Variants in CMSS1 observed in about 807,000 individuals in gnomAD.
CMSS1 encodes the protein protein CMSS1.
CMSS1 carries 33 observed loss-of-function variants against 43.5 expected under a neutral mutation model. That is an observed-to-expected ratio of 0.76 (90% confidence interval 0.57 to 1.01). The LOEUF is 1.01. Ranked by LOEUF, CMSS1 falls within the 50% of genes least tolerant of loss-of-function variation. The pLI is 0.00. For missense variants in CMSS1, 313 were observed against 326.4 expected, an observed-to-expected ratio of 0.96 and a Z score of 0.32; for synonymous variants, 115 against 117.2, an observed-to-expected ratio of 0.98 and a Z score of 0.12.
rs573313109 is a variant in CMSS1, at chr3:99,986,307, T to C, written c.65-160666T>C. ...GTGTTTTTTCATGAAGCTTGTGGCATTAGATATGCCCTCCACTCCATTGCC... is the reference window on the plus strand; with the variant it reads ...GTGTTTTTTCATGAAGCTTGTGGCACTAGATATGCCCTCCACTCCATTGCC... On this transcript the variant is annotated intron_variant, in intron 1 of 9. Transcript: ENST00000421999. Among the ~76,000 whole-genome samples the C allele has an allele frequency of 9.8e-5, 15 of 152,298 alleles. No individual in the cohort carries two copies. In the South Asian group the frequency reaches 3.1e-3, roughly 32 times the overall value.
chr3:100,075,143 C>T (rs2065829831), intron 1 of CMSS1, among the ~76,000 whole-genome samples: 1 of 152,140 alleles, frequency 6.6e-6, no homozygotes, highest in South Asian at 2.1e-4. Context: ...ATTCTCCCTA[C>T]AAGGATTACA....
chr3:100,091,832 A>G (rs770611743), intron 1 of CMSS1, among the ~76,000 whole-genome samples: 1 of 152,230 alleles, frequency 6.6e-6, no homozygotes, highest in Admixed American at 6.5e-5. Flanking sequence ...CGTGATTCAC[A>G]GGTACATTGT....
At chr3:100,118,741 G>A (rs913102881) in intron 1 of CMSS1, among the ~76,000 whole-genome samples, 7 of 152,078 alleles carry the variant, frequency 4.6e-5, no homozygotes, top group Middle Eastern at 3.2e-3. Context: ...CCTTTCCTGT[G>A]GCCTTTCTGT....
intron 1 of CMSS1, among the ~76,000 whole-genome samples, chr3:99,822,667 G>A (rs1426637568): frequency 6.6e-6 from 1 of 152,180 alleles, no homozygotes; most frequent in Non-Finnish European, 1.5e-5. Context: ...AGGAGGCGGG[G>A]GTTGCAGTGA....
intron 1 of CMSS1, among the ~76,000 whole-genome samples, chr3:99,970,644 T>G (rs1023153251): frequency 2.0e-5 from 3 of 152,148 alleles, no homozygotes; most frequent in Non-Finnish European, 2.9e-5. Flanking sequence ...CACAAGAGTT[T>G]AAAAAGAGCA....
intron 1 of CMSS1, among the ~76,000 whole-genome samples, chr3:100,097,196 C>T (rs2066225050): frequency 6.6e-6 from 1 of 152,216 alleles, no homozygotes. Context: ...ATGAGAAAGA[C>T]TAATTCCAGT....
At chr3:100,025,042 A>G (rs1481186393) in intron 1 of CMSS1, among the ~76,000 whole-genome samples, 1 of 152,200 alleles carries the variant, frequency 6.6e-6, no homozygotes, top group African/African-American at 2.4e-5. Context: ...TTGTGTTACT[A>G]ATTAACACGC....
intron 1 of CMSS1, among the ~76,000 whole-genome samples, chr3:99,870,783 T>C (rs1053608260): frequency 3.3e-5 from 5 of 152,198 alleles, no homozygotes; most frequent in Admixed American, 3.3e-4. Context: ...CACAGAAACT[T>C]TGGAATGAAG....
intron 1 of CMSS1, among the ~76,000 whole-genome samples, chr3:99,893,339 G>C (rs1279866989): frequency 6.6e-6 from 1 of 151,832 alleles, no homozygotes; most frequent in Non-Finnish European, 1.5e-5. Context: ...CTAATTTTTT[G>C]TATTTTTAGT....
intron 1 of CMSS1, among the ~76,000 whole-genome samples, chr3:99,819,757 C>CTT (rs551286788): frequency 5.9e-5 from 8 of 136,042 alleles, no homozygotes; most frequent in Admixed American, 7.4e-5. Context: ...TTTTTTTTTT[C>CTT]TTTTTTTTTT....
At chr3:100,074,238 G>A (rs2065810592) in intron 1 of CMSS1, among the ~76,000 whole-genome samples, 1 of 152,226 alleles carries the variant, frequency 6.6e-6, no homozygotes. Flanking sequence ...GGGCCTCCAG[G>A]CACAGACTGT....
chr3:100,163,358 G>A (rs1451293215), intron 4 of CMSS1, among the ~76,000 whole-genome samples: 2 of 152,120 alleles, frequency 1.3e-5, no homozygotes, highest in Non-Finnish European at 1.5e-5. Context: ...TAGGTTGCAG[G>A]CCAGACTCTT....
intron 1 of CMSS1, among the ~76,000 whole-genome samples, chr3:99,831,462 A>C (rs533886439): frequency 6.6e-6 from 1 of 152,308 alleles, no homozygotes; most frequent in African/African-American, 2.4e-5. Flanking sequence ...AGGAACACTA[A>C]ATTGTTTTAA....
At position 100,098,570 on chromosome 3, in the gene CMSS1, C is replaced by T. The variant is rs536312582; in HGVS notation, c.65-48403C>T. On this transcript the variant is annotated intron_variant, in intron 1 of 9. Coordinates refer to ENST00000421999, the MANE Select transcript of CMSS1 (RefSeq NM_032359.4). ...ATTTGTATTATTCATAATTGAACTTCGGCTCTTGCTGCTAATCAATACCAG... is the reference window on the plus strand; with the variant it reads ...ATTTGTATTATTCATAATTGAACTTTGGCTCTTGCTGCTAATCAATACCAG... 3.1e-4 allele frequency among the ~76,000 whole-genome samples: 47 copies of T among 152,312 alleles called. 1 individual carries two copies. In the East Asian group the frequency reaches 8.7e-3, roughly 28 times the overall value.
At chr3:99,889,034 A>G (rs1267465712) in intron 1 of CMSS1, among the ~76,000 whole-genome samples, 1 of 152,156 alleles carries the variant, frequency 6.6e-6, no homozygotes, top group African/African-American at 2.4e-5. Flanking sequence ...TGGCCTCACT[A>G]CATGGTTACT....
At chr3:99,840,118 C>A (rs1313051383) in intron 1 of CMSS1, among the ~76,000 whole-genome samples, 2 of 149,214 alleles carry the variant, frequency 1.3e-5, no homozygotes, top group African/African-American at 5.0e-5. Flanking sequence ...TTCCCCACAA[C>A]AAAGAGTTAC....
chr3:99,863,920 A>T (rs565227809), intron 1 of CMSS1, among the ~76,000 whole-genome samples: 15 of 152,326 alleles, frequency 9.8e-5, no homozygotes, highest in African/African-American at 3.6e-4. Flanking sequence ...TGTTTTTTGC[A>T]GCCAAACATT....
chr3:99,958,445 T>C (rs1708401478), intron 1 of CMSS1, among the ~76,000 whole-genome samples: 1 of 151,782 alleles, frequency 6.6e-6, no homozygotes, highest in Non-Finnish European at 1.5e-5. Flanking sequence ...AGCAGGAAAG[T>C]GCTTACATAG....
intron 1 of CMSS1, among the ~76,000 whole-genome samples, chr3:100,119,219 G>A (rs1046976030): frequency 6.6e-6 from 1 of 152,156 alleles, no homozygotes; most frequent in Non-Finnish European, 1.5e-5. Context: ...TAGAAAATAT[G>A]AGGTATAAAT....
Sources: gnomAD v4.1 joint callset for allele counts (sites outside exome capture counted in the v4.1 genomes callset) on GRCh38, gnomAD v4.1.1 for gene constraint, MANE v1.5 for transcripts, NCBI Gene and HGNC (gene_info 2026-07-23, HGNC 2026-07-21) for gene names.